EPC1: variants seen among roughly 807,000 people sequenced by gnomAD.
EPC1 encodes enhancer of polycomb 1, also known as enhancer of polycomb homolog 1.
In EPC1, 12 loss-of-function variants were observed where a neutral mutation model predicts 98.4. That is an observed-to-expected ratio of 0.12 (90% CI 0.08 to 0.20). EPC1 has a LOEUF of 0.20. Among genes scored for constraint, EPC1 ranks in the 10% least tolerant of loss-of-function variants. The pLI is 1.00. For synonymous variants in EPC1, 357 were observed against 363.9 expected, an observed-to-expected ratio of 0.98 and a Z score of 0.21; for missense variants, 729 against 990.5, an observed-to-expected ratio of 0.74 and a Z score of 3.54.
chr10:32,362,680 T>C (rs1310017031), intron 1 of EPC1, among the ~76,000 whole-genome samples: 1 of 152,140 alleles, frequency 6.6e-6, no homozygotes, highest in Non-Finnish European at 1.5e-5. Flanking sequence ...ACTAATACAG[T>C]ATGCCTGCTA....
At chr10:32,311,931 C>T (rs554879139) in intron 1 of EPC1, among the ~76,000 whole-genome samples, 1 of 152,284 alleles carries the variant, frequency 6.6e-6, no homozygotes, top group African/African-American at 2.4e-5. Context: ...CTACTGAAAA[C>T]TAATTTAAAA....
intron 1 of EPC1, among the ~76,000 whole-genome samples, chr10:32,342,198 T>C (rs187658846): frequency 1.3e-5 from 2 of 152,260 alleles, no homozygotes; most frequent in Non-Finnish European, 2.9e-5. Flanking sequence ...TGAGATTTCA[T>C]GTATTTCTCT....
At chr10:32,337,613 G>A (rs1401565410) in intron 1 of EPC1, among the ~76,000 whole-genome samples, 1 of 152,172 alleles carries the variant, frequency 6.6e-6, no homozygotes, top group Admixed American at 6.5e-5. Flanking sequence ...TCAATCTAGG[G>A]CTCAGCTTCA....
chr10:32,327,691 T>C (rs1837383408), intron 1 of EPC1, among the ~76,000 whole-genome samples: 1 of 151,818 alleles, frequency 6.6e-6, no homozygotes, highest in South Asian at 2.1e-4. Flanking sequence ...ACCTAGGCTA[T>C]ATGGTATAGC....
chr10:32,323,967 G>A (rs1053999097), intron 1 of EPC1, among the ~76,000 whole-genome samples: 3 of 151,860 alleles, frequency 2.0e-5, no homozygotes, highest in Admixed American at 6.6e-5. Flanking sequence ...ACAGAGTCTC[G>A]CTCTGTCGCC....
chr10:32,336,302 T>A (rs544023031), intron 1 of EPC1, among the ~76,000 whole-genome samples: 15 of 50,358 alleles, frequency 3.0e-4, no homozygotes, highest in African/African-American at 6.2e-4. Context: ...ACTCCTGAGC[T>A]CGTGATCCAC....
intron 9 of EPC1, chr10:32,286,331 C>G: frequency 4.7e-6 from 1 of 213,066 alleles, no homozygotes; most frequent in South Asian, 1.1e-4. Flanking sequence ...ACCCATTATA[C>G]TAGCTAGTGT....
At chr10:32,284,652 G>C (rs1836574190) in intron 10 of EPC1, 46 bp downstream of exon 10, 1 of 1,456,706 alleles carries the variant, frequency 6.9e-7, no homozygotes, top group African/African-American at 1.4e-5. Flanking sequence ...GAAATGGTTG[G>C]ACCTGACATT....
At chr10:32,361,206 A>G (rs141105959) in intron 1 of EPC1, among the ~76,000 whole-genome samples, 2 of 152,354 alleles carry the variant, frequency 1.3e-5, no homozygotes, top group African/African-American at 4.8e-5. Context: ...GGAGTCAAAC[A>G]TGATGTGGGT....
intron 1 of EPC1, among the ~76,000 whole-genome samples, chr10:32,343,564 A>G (rs927954): frequency 0.65 from 99,472 of 152,084 alleles, 32,961 homozygotes; most frequent in Middle Eastern, 0.78. Context: ...CTGCGAATTC[A>G]CATTTAATCT....
At chr10:32,295,904 C>T (rs746131610) in intron 2 of EPC1, among the ~76,000 whole-genome samples, 2 of 151,416 alleles carry the variant, frequency 1.3e-5, no homozygotes, top group Non-Finnish European at 2.9e-5. Context: ...TAGGGACCAA[C>T]TAGCAATGTT....
chr10:32,273,464 G>T (rs1835934879), intron 10 of EPC1, among the ~76,000 whole-genome samples, 183 bp from the exon 11 acceptor site: 1 of 151,688 alleles, frequency 6.6e-6, no homozygotes, highest in Non-Finnish European at 1.5e-5. Flanking sequence ...CATTTAACAA[G>T]AGTGGCATGA....
intron 1 of EPC1, among the ~76,000 whole-genome samples, chr10:32,332,094 A>G (rs1186199098): frequency 2.0e-5 from 3 of 152,254 alleles, no homozygotes; most frequent in Non-Finnish European, 4.4e-5. Flanking sequence ...TGCTAGTGCA[A>G]TATTACGCCT....
At position 32,365,819 on chromosome 10, in the gene EPC1, C is replaced by CAAAAAAAAAAA. The variant is rs55769539; in HGVS notation, c.3+12661_3+12671dup. Among the ~76,000 whole-genome samples the CAAAAAAAAAAA allele has an allele frequency of 5.2e-5, 2 of 38,428 alleles. 1 individual carries two copies. Among genetic ancestry groups the CAAAAAAAAAAA allele is most frequent in the African/African-American group, 2.7e-4 (2 of 7,370 alleles). 25.2% of individuals were successfully genotyped at this position (38,428 alleles called of 152,430 possible). ...GGGCAACAGAGAGAGCTCCGTCTCA[C>CAAAAAAAAAAA]AAAAAAAAAAAAAAAAAAAAAAAAA... On this transcript the variant is annotated intron_variant, in intron 1 of 13. Coordinates refer to the EPC1 transcript ENST00000375110.
chr10:32,368,407 A>T (rs1301612086), intron 1 of EPC1, among the ~76,000 whole-genome samples: 4 of 152,028 alleles, frequency 2.6e-5, no homozygotes, highest in African/African-American at 9.7e-5. Flanking sequence ...GTGTTCTTCC[A>T]TCTTTGCCTG....
chr10:32,306,102 G>A (rs1020795312), intron 1 of EPC1, among the ~76,000 whole-genome samples, 171 bp from the exon 2 acceptor site: 3 of 152,022 alleles, frequency 2.0e-5, no homozygotes, highest in Non-Finnish European at 4.4e-5. Flanking sequence ...ATCAGTTCAG[G>A]TAGAAACAAA....
chr10:32,305,783 A>G lies in EPC1; in HGVS notation c.302T>C (p.Ile101Thr). ...PGEFKMPKQL[I>T]HIQPFSLDAE... Reference sequence around the variant, plus strand: ...GAATCATTACTTACGCTGTATGTGAATGAGCTGCTTTGGCATCTTAAATTC... The same window carrying G: ...GAATCATTACTTACGCTGTATGTGAGTGAGCTGCTTTGGCATCTTAAATTC... The change falls in exon 2 of 14, where the codon ATT (isoleucine) becomes ACT (threonine). Residue 101 changes from isoleucine (I) to threonine (T), a missense_variant. Physicochemically the swap from Ile to Thr is moderately conservative, Grantham distance 89. Coordinates refer to ENST00000319778, the MANE Select transcript of EPC1 (RefSeq NM_001272004.3). 1 of 1,600,348 alleles carries G rather than the reference A, an allele frequency of 6.2e-7. No homozygotes were observed. The highest frequency in any genetic ancestry group is 8.5e-7 in the Non-Finnish European group (1 of 1,175,724).
intron 1 of EPC1, among the ~76,000 whole-genome samples, chr10:32,343,703 G>GGGT (rs1564558804): frequency 6.7e-6 from 1 of 150,090 alleles, no homozygotes; most frequent in Non-Finnish European, 1.5e-5. Context: ...TTGGGGGGGG[G>GGGT]GTGTAAGGGC....
In EPC1 at chr10:32,271,764, T is replaced by C. The variant is rs777608475; in HGVS notation, c.2159A>G (p.Asn720Ser). 5.0e-6 allele frequency: 8 copies of C among 1,614,174 alleles called. No homozygotes were observed. In the East Asian group the frequency reaches 1.6e-4, roughly 31 times the overall value. Residue 720 changes from asparagine (N) to serine (S), a missense_variant, in exon 13 of 14, where the codon AAT (asparagine) becomes AGT (serine). Asn to Ser is a conservative substitution (Grantham distance 46). Transcript: ENST00000319778. ...SALSHQVTAANSATTQVLIGN... is the reference protein window; with the variant it reads ...SALSHQVTAASSATTQVLIGN... ...AATCAGAACCTGAGTTGTTGCAGAA[T>C]TGGCAGCAGTTACTTGATGACTCAG...
Sources: gnomAD v4.1 joint callset for allele counts (sites outside exome capture counted in the v4.1 genomes callset) on GRCh38, gnomAD v4.1.1 for gene constraint, MANE v1.5 for transcripts, NCBI Gene and HGNC (gene_info 2026-07-23, HGNC 2026-07-21) for gene names.